CHD9: variants seen among roughly 807,000 people sequenced by gnomAD.
CHD9 encodes the protein ATP-dependent chromatin remodeler CHD9.
Under a neutral mutation model 316.1 loss-of-function variants are expected in CHD9, and 77 were observed. The ratio of observed to expected loss-of-function variants is 0.24; its 90% CI spans 0.20 to 0.29. The LOEUF (loss-of-function observed/expected upper bound fraction) is 0.29. CHD9 is among the 10% of genes least tolerant of loss of function. CHD9 has a pLI of 1.00. For missense variants in CHD9, 2,763 were observed against 3,438.1 expected (o/e 0.80, Z 4.91); for synonymous variants, 1,129 against 1,158.3 (o/e 0.97, Z 0.51).
At chr16:53,283,924 T>C (rs939745378) in intron 24 of CHD9, among the ~76,000 whole-genome samples, 1 of 152,186 alleles carries the variant, frequency 6.6e-6, no homozygotes, top group Admixed American at 6.5e-5. Context: ...TAAATTTGTT[T>C]CCATTTTTTT....
chr16:53,151,821 T>C (rs2041142223), intron 1 of CHD9, among the ~76,000 whole-genome samples: 1 of 152,188 alleles, frequency 6.6e-6, no homozygotes, highest in African/African-American at 2.4e-5. Context: ...TCTTGGGCCA[T>C]GGTTTCCTTT....
In CHD9 at chr16:53,209,756, A is replaced by G. The variant is rs972153895; in HGVS notation, c.1727A>G (p.Asp576Gly). ...KGRRMKSKPK[D>G]KDSKKTKTCS... ...AGAAGGATGAAATCCAAGCCAAAGG[A>G]CAAAGACAGCAAAAAAACAAAAACA... The change falls in exon 3 of 39, where the codon GAC (aspartate) becomes GGC (glycine). Residue 576 changes from aspartate (D) to glycine (G), a missense_variant. By Grantham distance (94) the Asp-to-Gly change is moderately conservative. Transcript: ENST00000447540. 6.2e-7 allele frequency: 1 copy of G among 1,610,326 alleles called. No homozygotes were observed. Among genetic ancestry groups the G allele is most frequent in the Non-Finnish European group, 8.5e-7 (1 of 1,178,708 alleles).
Position 53,157,543 on chromosome 16 carries a change from T to C in CHD9, c.1452+2T>C. 1 of 1,598,702 alleles carries C rather than the reference T, an allele frequency of 6.3e-7. No individual in the cohort carries two copies. The highest frequency in any genetic ancestry group is 8.5e-7 in the Non-Finnish European group (1 of 1,170,186). On this transcript the variant is annotated splice_donor_variant, in intron 2 of 38. Transcript: ENST00000447540. LOFTEE classifies it high-confidence loss of function. ...AATCACCTATGTTTACAGCGACAGGTATGTAGCTCTTTGCTTTTATTTTGG... is the reference window on the plus strand; with the variant it reads ...AATCACCTATGTTTACAGCGACAGGCATGTAGCTCTTTGCTTTTATTTTGG...
At chr16:53,105,943 C>T (rs890871903) in intron 1 of CHD9, among the ~76,000 whole-genome samples, 1 of 151,966 alleles carries the variant, frequency 6.6e-6, no homozygotes, top group Non-Finnish European at 1.5e-5. Flanking sequence ...CTGCCTTTGC[C>T]TCCCAAGTAG....
At chr16:53,102,695 A>T (rs950150911) in intron 1 of CHD9, among the ~76,000 whole-genome samples, 1 of 91,042 alleles carries the variant, frequency 1.1e-5, no homozygotes, top group Middle Eastern at 6.0e-3. Flanking sequence ...GCAAAAAAAT[A>T]AAAAATTAGC....
chr16:53,224,187 T>C (rs928365168), intron 4 of CHD9, among the ~76,000 whole-genome samples: 3 of 152,086 alleles, frequency 2.0e-5, no homozygotes, highest in Admixed American at 2.0e-4. Flanking sequence ...AATAAGAAAT[T>C]AAAAGGGACA....
At chr16:53,269,556 T>A (rs1469958862) in intron 22 of CHD9, among the ~76,000 whole-genome samples, 1 of 152,216 alleles carries the variant, frequency 6.6e-6, no homozygotes, top group East Asian at 1.9e-4. Context: ...GTGGTCAGTG[T>A]AGGCCTATTT....
At chr16:53,055,381 C>G (rs942471770) in intron 1 of CHD9, among the ~76,000 whole-genome samples, 10 of 152,184 alleles carry the variant, frequency 6.6e-5, no homozygotes, top group Admixed American at 1.3e-4. Context: ...AGAGCCACTC[C>G]AGGGTGGCAG....
chr16:53,252,304 G>A (rs2050194252), intron 17 of CHD9, among the ~76,000 whole-genome samples: 1 of 152,154 alleles, frequency 6.6e-6, no homozygotes, highest in African/African-American at 2.4e-5. Context: ...AGTGGGGAAA[G>A]GACACGCTAT....
chr16:53,151,906 A>G (rs1597176849), intron 1 of CHD9, among the ~76,000 whole-genome samples: 1 of 151,748 alleles, frequency 6.6e-6, no homozygotes, highest in African/African-American at 2.4e-5. Context: ...CTAAGGGACA[A>G]TTTCTGTCAA....
Position 53,245,167 on chromosome 16 carries a change from T to C in CHD9, c.3055-169T>C, listed in dbSNP as rs1174547379. Among the ~76,000 whole-genome samples the C allele has an allele frequency of 6.6e-6, 1 of 151,720 alleles. No homozygotes were observed. The highest frequency in any genetic ancestry group is 6.6e-5 in the Admixed American group (1 of 15,194). Reference sequence around the variant, plus strand: ...CTGGGTGTCACAGCAAGACCTTGTCTCTAAACAAACAAACAAATATATATA... The same window carrying C: ...CTGGGTGTCACAGCAAGACCTTGTCCCTAAACAAACAAACAAATATATATA... On this transcript the variant is annotated intron_variant, in intron 13 of 38. Transcript: ENST00000447540. The surrounding 1 kb of genome is among the most constrained non-coding windows in gnomAD (Gnocchi z 4.1).
chr16:53,149,835 T>C (rs8061582), intron 1 of CHD9, among the ~76,000 whole-genome samples: 47,485 of 150,782 alleles, frequency 0.31, 7,731 homozygotes, highest in Middle Eastern at 0.39. Flanking sequence ...GCTGGGATTG[T>C]GGCAGGTATG....
Position 53,177,892 on chromosome 16 carries a change from A to G in CHD9, c.1452+20351A>G, listed in dbSNP as rs543291700. Among the ~76,000 whole-genome samples, 10 of 152,240 alleles carry G rather than the reference A, an allele frequency of 6.6e-5. No individual in the cohort carries two copies. In the South Asian group the frequency reaches 8.3e-4, roughly 13 times the overall value. ...CTACTCTATTCTACTTGTCTTTCCA[A>G]TCCTGGTTCCATCCTAAACCCCAAG... On this transcript the variant is annotated intron_variant, in intron 2 of 38. Transcript: ENST00000447540.
intron 2 of CHD9, among the ~76,000 whole-genome samples, chr16:53,192,794 G>C (rs571131197): frequency 3.3e-3 from 496 of 152,224 alleles, no homozygotes; most frequent in Non-Finnish European, 5.3e-3. Flanking sequence ...TTTGTTCCCT[G>C]TATCAATAGC....
At position 53,325,041 on chromosome 16, in the gene CHD9, A is replaced by G. The variant is rs562748910; in HGVS notation, c.*146A>G. 4.9e-6 allele frequency: 3 copies of G among 615,664 alleles called. No homozygotes were observed. Among genetic ancestry groups the G allele is most frequent in the East Asian group, 5.7e-5 (2 of 35,172 alleles). The allele number at this position is 615,664 out of a possible 1,614,324, so 38.1% of individuals were successfully genotyped here. ...TTAGAAGTGCAAACTGCTTTCAGAG[A>G]CTTTTTGCATGTAATATTTCTTAAG... On this transcript the variant is annotated 3_prime_UTR_variant, in exon 39 of 39. Transcript: ENST00000447540.
At chr16:53,077,729 T>C (rs1193991342) in intron 1 of CHD9, among the ~76,000 whole-genome samples, 1 of 152,228 alleles carries the variant, frequency 6.6e-6, no homozygotes, top group African/African-American at 2.4e-5. Context: ...CTCACACACT[T>C]ATCTTTTTTT....
chr16:53,207,265 A>G (rs964964426), intron 2 of CHD9, among the ~76,000 whole-genome samples: 5 of 152,218 alleles, frequency 3.3e-5, no homozygotes, highest in Non-Finnish European at 7.3e-5. Context: ...ATAGAAAGAA[A>G]AGTTGTACTG....
At chr16:53,145,402 C>T (rs138275204) in intron 1 of CHD9, among the ~76,000 whole-genome samples, 1,811 of 151,302 alleles carry the variant, frequency 0.012, 22 homozygotes, top group Non-Finnish European at 0.019. Context: ...CTGCCCACCT[C>T]GGCCTCCCAA....
At chr16:53,065,866 C>T (rs564952224) in intron 1 of CHD9, among the ~76,000 whole-genome samples, 1 of 152,164 alleles carries the variant, frequency 6.6e-6, no homozygotes, top group African/African-American at 2.4e-5. Flanking sequence ...GCAATTGGCT[C>T]GCTTTTTGTT....
Sources: gnomAD v4.1 joint callset for allele counts (sites outside exome capture counted in the v4.1 genomes callset) on GRCh38, gnomAD v4.1.1 for gene constraint, Gnocchi (gnomAD v3.1) non-coding constraint, MANE v1.5 for transcripts, NCBI Gene and HGNC (gene_info 2026-07-23, HGNC 2026-07-21) for gene names.